The following CCDC126 variants were observed in gnomAD, a reference collection of about 807,000 sequenced individuals.
CCDC126 encodes the protein coiled-coil domain-containing protein 126.
Under a neutral mutation model 11.7 loss-of-function variants are expected in CCDC126, and 5 were observed. That is an observed-to-expected ratio of 0.43 (90% CI 0.22 to 0.90). The LOEUF (loss-of-function observed/expected upper bound fraction) is 0.90, where lower values mean the gene tolerates loss of function less well. Ranked by LOEUF, CCDC126 falls within the 40% of genes least tolerant of loss-of-function variation. CCDC126 has a pLI of 0.27. For synonymous variants in CCDC126, 60 were observed against 61.9 expected, an observed-to-expected ratio of 0.97 and a Z score of 0.14; for missense variants, 150 against 163.1, an observed-to-expected ratio of 0.92 and a Z score of 0.44.
chr7:23,644,478 A>G lies in CCDC126; in HGVS notation c.*1363A>G, dbSNP rs1211401600. 6.6e-6 allele frequency: 1 copy of G among 152,516 alleles called. No homozygotes were observed. Among genetic ancestry groups the G allele is most frequent in the East Asian group, 1.9e-4 (1 of 5,202 alleles). The allele number at this position is 152,516 out of a possible 1,614,324, so 9.4% of individuals were successfully genotyped here. A position where few individuals can be genotyped will look rare whatever the true frequency, so the allele number is the denominator to read the frequency against. On this transcript the variant is annotated 3_prime_UTR_variant, in exon 4 of 4. Transcript: ENST00000307471. ...TTATAATATGCTACCACATGTAGCAATAATTACAATATTTTATTAAAATAA... is the reference window on the plus strand; with the variant it reads ...TTATAATATGCTACCACATGTAGCAGTAATTACAATATTTTATTAAAATAA...
chr7:23,631,088 A>G (rs1320469521), intron 3 of CCDC126, among the ~76,000 whole-genome samples: 2 of 152,108 alleles, frequency 1.3e-5, no homozygotes, highest in Admixed American at 6.5e-5. Context: ...CTAAGCTATT[A>G]GAGAACCTAG....
intron 2 of CCDC126, among the ~76,000 whole-genome samples, chr7:23,608,077 C>T (rs1782650640): frequency 6.6e-6 from 1 of 152,158 alleles, no homozygotes; most frequent in Non-Finnish European, 1.5e-5. Flanking sequence ...CGTGCATGCA[C>T]AATTGAGCTT....
At position 23,612,106 on chromosome 7, in the gene CCDC126, G is replaced by A. The variant is rs1000490211; in HGVS notation, c.238+553G>A. ...GGTTGCAGTGAGCTGAGATCGCGCC[G>A]CTGCACTCCATCCTGGGTGGTAGAG... On this transcript the variant is annotated intron_variant, in intron 3 of 3. Transcript: ENST00000307471. Among the ~76,000 whole-genome samples, 6 of 145,692 alleles carry A rather than the reference G, an allele frequency of 4.1e-5. No individual in the cohort carries two copies. In the South Asian group the frequency reaches 6.5e-4, roughly 16 times the overall value.
Position 23,644,291 on chromosome 7 carries a change from G to A in CCDC126, c.*1176G>A, listed in dbSNP as rs749699796. ...GGAACCCTAATCTTGGGTAATTCTA[G>A]TATAAAACAAATTATACTTTTATTT... On this transcript the variant is annotated 3_prime_UTR_variant, in exon 4 of 4. Coordinates refer to ENST00000307471, the MANE Select transcript of CCDC126 (RefSeq NM_138771.4). The A allele has an allele frequency of 6.6e-6, 1 of 152,404 alleles. No homozygotes were observed. The highest frequency in any genetic ancestry group is 2.4e-5 in the African/African-American group (1 of 41,392). The allele number at this position is 152,404 out of a possible 1,614,324, so 9.4% of individuals were successfully genotyped here. A position where few individuals can be genotyped will look rare whatever the true frequency, so the allele number is the denominator to read the frequency against.
chr7:23,636,643 A>T (rs1281646703), intron 3 of CCDC126, among the ~76,000 whole-genome samples: 1 of 141,728 alleles, frequency 7.1e-6, no homozygotes, highest in East Asian at 2.2e-4. Context: ...CCGTCTGAGA[A>T]GTGAGGAGCC....
intron 3 of CCDC126, among the ~76,000 whole-genome samples, chr7:23,630,926 G>GA (rs2128020471): frequency 6.6e-6 from 1 of 151,888 alleles, no homozygotes; most frequent in South Asian, 2.1e-4. Flanking sequence ...TCTAAATAAT[G>GA]AGTCAAAGAG....
intron 3 of CCDC126, among the ~76,000 whole-genome samples, chr7:23,634,606 A>C (rs1345353935): frequency 6.6e-6 from 1 of 152,168 alleles, no homozygotes; most frequent in African/African-American, 2.4e-5. Flanking sequence ...TCTATTTCTC[A>C]AGGAAGAGTG....
intron 3 of CCDC126, among the ~76,000 whole-genome samples, chr7:23,634,046 C>CTG (rs1016401785): frequency 8.5e-5 from 13 of 152,186 alleles, no homozygotes; most frequent in Non-Finnish European, 1.9e-4. Context: ...TTTATTCCTT[C>CTG]TGTGTGTACA....
At chr7:23,619,150 T>C (rs1363347026) in intron 3 of CCDC126, among the ~76,000 whole-genome samples, 1 of 152,122 alleles carries the variant, frequency 6.6e-6, no homozygotes, top group African/African-American at 2.4e-5. Context: ...TCTTCTGCAG[T>C]GGGGGAGGTT....
chr7:23,605,207 C>T (rs1441140031), intron 2 of CCDC126, among the ~76,000 whole-genome samples: 1 of 152,028 alleles, frequency 6.6e-6, no homozygotes, highest in Non-Finnish European at 1.5e-5. Flanking sequence ...AATGTGTTTT[C>T]CCTAGCATGG....
chr7:23,601,601 T>C (rs577043733), intron 2 of CCDC126, among the ~76,000 whole-genome samples: 1 of 152,372 alleles, frequency 6.6e-6, no homozygotes, highest in South Asian at 2.1e-4. Flanking sequence ...AACGTTTCTC[T>C]GTATGTTTGA....
chr7:23,613,447 C>T (rs1782748387), intron 3 of CCDC126, among the ~76,000 whole-genome samples: 1 of 152,010 alleles, frequency 6.6e-6, no homozygotes, highest in African/African-American at 2.4e-5. Flanking sequence ...ATTTTAAATT[C>T]TTTCATCTCA....
At chr7:23,626,249 C>T (rs1054014460) in intron 3 of CCDC126, among the ~76,000 whole-genome samples, 1 of 151,890 alleles carries the variant, frequency 6.6e-6, no homozygotes, top group African/African-American at 2.4e-5. Flanking sequence ...GCCAGTTATT[C>T]TAGTTTCATT....
At chr7:23,622,378 A>G (rs191843286) in intron 3 of CCDC126, 22 of 324,698 alleles carry the variant, frequency 6.8e-5, no homozygotes, top group African/African-American at 3.9e-4. Flanking sequence ...AGAGGTGTTT[A>G]TAGTATTCTC....
chr7:23,640,519 A>T (rs981252551), intron 3 of CCDC126, among the ~76,000 whole-genome samples: 2 of 151,998 alleles, frequency 1.3e-5, no homozygotes, highest in Non-Finnish European at 2.9e-5. Context: ...TTTTTTTTTT[A>T]AATATGCAAT....
intron 3 of CCDC126, among the ~76,000 whole-genome samples, chr7:23,622,001 T>G (rs1347126959): frequency 1.3e-5 from 2 of 152,190 alleles, no homozygotes; most frequent in Non-Finnish European, 2.9e-5. Flanking sequence ...TACTGAGGAT[T>G]TTTGCATTGT....
At chr7:23,617,366 A>G (rs1562493068) in intron 3 of CCDC126, among the ~76,000 whole-genome samples, 2 of 151,548 alleles carry the variant, frequency 1.3e-5, no homozygotes, top group Admixed American at 6.6e-5. Flanking sequence ...AAAAAAAAAA[A>G]AAAAAAAAGA....
At chr7:23,619,785 A>C (rs934710050) in intron 3 of CCDC126, among the ~76,000 whole-genome samples, 3 of 126,810 alleles carry the variant, frequency 2.4e-5, no homozygotes, top group African/African-American at 9.2e-5. Flanking sequence ...CCTGTGTCCT[A>C]GTGTTCTCAT....
At chr7:23,639,794 A>G (rs1413638478) in intron 3 of CCDC126, among the ~76,000 whole-genome samples, 1 of 151,346 alleles carries the variant, frequency 6.6e-6, no homozygotes, top group East Asian at 1.9e-4. Flanking sequence ...CTCTATCACG[A>G]CCACTACGGT....
Sources: allele counts gnomAD v4.1 joint callset (sites outside exome capture counted in the v4.1 genomes callset), GRCh38; gene constraint gnomAD v4.1.1; transcripts MANE v1.5; gene names NCBI Gene and HGNC (gene_info 2026-07-23, HGNC 2026-07-21).